Variants in TMEM221 observed in about 807,000 individuals in gnomAD.
TMEM221 encodes the protein transmembrane protein 221.
In TMEM221, 11 loss-of-function variants were observed where a neutral mutation model predicts 10.2. The observed-to-expected ratio is 1.08, with a 90% CI of 0.68 to 1.79. The LOEUF (loss-of-function observed/expected upper bound fraction) is 1.79. Among genes scored for constraint, TMEM221 ranks in the 40% most tolerant of loss-of-function variants. TMEM221 has a pLI of 0.00. For synonymous variants in TMEM221, 172 were observed against 199.8 expected (o/e 0.86, Z 1.18); for missense variants, 382 against 417.7 (o/e 0.91, Z 0.75).
At position 17,448,422 on chromosome 19, in the gene TMEM221, G is replaced by T. The variant is rs1293492543; in HGVS notation, c.41C>A (p.Thr14Asn). The T allele has an allele frequency of 4.0e-6, 6 of 1,482,186 alleles. No individual in the cohort carries two copies. The African/African-American group carries it at 7.3e-5, about 18-fold the overall frequency. 91.8% of individuals were successfully genotyped at this position (1,482,186 alleles called of 1,614,324 possible). Residue 14 changes from threonine (T) to asparagine (N), a missense_variant, in exon 1 of 3, where the codon ACC becomes AAC. Physicochemically the swap from Thr to Asn is moderately conservative, Grantham distance 65. Coordinates refer to ENST00000341130, the MANE Select transcript of TMEM221 (RefSeq NM_001190844.2). This position sits in a 1 kb window ranked among gnomAD's most constrained non-coding sequence, Gnocchi z 4.7. ...SYGGRVLAAMTLLGIAAAVLA... is the reference protein window; with the variant it reads ...SYGGRVLAAMNLLGIAAAVLA... Reference sequence around the variant, plus strand: ...CACGGCCGCCGCGATGCCCAGCAGGGTCATTGCAGCCAGCACCCGGCCGCC... The same window carrying T: ...CACGGCCGCCGCGATGCCCAGCAGGTTCATTGCAGCCAGCACCCGGCCGCC...
chr19:17,447,990 A>G lies in TMEM221; in HGVS notation c.320+153T>C, dbSNP rs150121128. 2.8e-3 allele frequency among the ~76,000 whole-genome samples: 420 copies of G among 152,258 alleles called. 3 individuals carry two copies. The highest frequency in any genetic ancestry group is 9.5e-3 in the African/African-American group (393 of 41,562). On this transcript the variant is annotated intron_variant, in intron 1 of 2. Coordinates refer to ENST00000341130, the MANE Select transcript of TMEM221 (RefSeq NM_001190844.2). ...GAGGGAAGGAGGGAGGAGGAGAGGA[A>G]AGGAGGGAGGCAGAGAGACATGGAG...
chr19:17,443,642 T>C (rs1281036844), intron 2 of TMEM221, among the ~76,000 whole-genome samples: 2 of 151,922 alleles, frequency 1.3e-5, no homozygotes, highest in African/African-American at 2.4e-5. Context: ...GGCCTAAATA[T>C]CTTTTTAAAT....
chr19:17,446,679 ATCTC>A (rs895013508), intron 1 of TMEM221, among the ~76,000 whole-genome samples: 1 of 151,774 alleles, frequency 6.6e-6, no homozygotes, highest in African/African-American at 2.4e-5. Flanking sequence ...TCTCTATCCC[ATCTC>A]TCTGTTTCCT....
At chr19:17,447,697 G>A (rs909226946) in intron 1 of TMEM221, among the ~76,000 whole-genome samples, 3 of 152,260 alleles carry the variant, frequency 2.0e-5, no homozygotes, top group Non-Finnish European at 4.4e-5. Flanking sequence ...CCACATCCCT[G>A]ACTGAGTTCA....
chr19:17,446,048 C>T (rs2074952076), intron 1 of TMEM221, among the ~76,000 whole-genome samples: 1 of 152,048 alleles, frequency 6.6e-6, no homozygotes, highest in Non-Finnish European at 1.5e-5. Flanking sequence ...CACTCATATA[C>T]AGCCTTCCAT....
intron 2 of TMEM221, among the ~76,000 whole-genome samples, chr19:17,438,379 G>A (rs2074918234): frequency 6.6e-6 from 1 of 151,344 alleles, no homozygotes; most frequent in Non-Finnish European, 1.5e-5. Flanking sequence ...TGAGCCACTG[G>A]GCCCAGCCTG....
intron 2 of TMEM221, among the ~76,000 whole-genome samples, chr19:17,440,965 T>G (rs957806150): frequency 2.6e-5 from 4 of 152,098 alleles, no homozygotes; most frequent in Non-Finnish European, 5.9e-5. Context: ...CCCAGCACTT[T>G]GGGAGGCCGA....
chr19:17,437,736 GAAAAGAA>G (rs951569631), intron 2 of TMEM221, among the ~76,000 whole-genome samples: 163 of 151,838 alleles, frequency 1.1e-3, no homozygotes, highest in Non-Finnish European at 1.0e-3. Flanking sequence ...TGAACAAAAA[GAAAAGAA>G]AAAAGAAAAA....
Position 17,436,167 on chromosome 19 carries a change from C to T in TMEM221, c.*291G>A. 1 of 309,960 alleles carries T rather than the reference C, an allele frequency of 3.2e-6. No homozygotes were observed. The highest frequency in any genetic ancestry group is 5.9e-6 in the Non-Finnish European group (1 of 169,348). The allele number at this position is 309,960 out of a possible 1,614,324, so 19.2% of individuals were successfully genotyped here. The stretch of plus-strand genomic sequence containing the variant: ...AGCCTCCCCTGCAGCAAGGTATGGC[C>T]ATTTCGCTCTGTTCTGGCCAGTGGG... On this transcript the variant is annotated 3_prime_UTR_variant, in exon 3 of 3. Transcript: ENST00000341130.
At chr19:17,441,987 G>T (rs957444161) in intron 2 of TMEM221, among the ~76,000 whole-genome samples, 1 of 152,112 alleles carries the variant, frequency 6.6e-6, no homozygotes, top group Non-Finnish European at 1.5e-5. Flanking sequence ...GGAGGTGAAT[G>T]AATTCTCAAT....
At chr19:17,446,664 T>C (rs187251483) in intron 1 of TMEM221, among the ~76,000 whole-genome samples, 103 of 152,154 alleles carry the variant, frequency 6.8e-4, no homozygotes, top group Middle Eastern at 3.4e-3. Flanking sequence ...CAAAGTCCTA[T>C]CTCCTCTCTA....
chr19:17,448,542 A>C lies in TMEM221; in HGVS notation c.-80T>G. 2 of 1,010,186 alleles carry C rather than the reference A, an allele frequency of 2.0e-6. No individual in the cohort carries two copies. 62.6% of individuals were successfully genotyped at this position (1,010,186 alleles called of 1,614,324 possible). On this transcript the variant is annotated 5_prime_UTR_variant, in exon 1 of 3. Coordinates refer to ENST00000341130, the MANE Select transcript of TMEM221 (RefSeq NM_001190844.2). The surrounding 1 kb of genome is among the most constrained non-coding windows in gnomAD (Gnocchi z 4.7). ...GGGCAGGGGAGTTGGGGGGAATCCG[A>C]GGGTCCTCAGGGGGTCCCCGAGGGG...
Position 17,436,476 on chromosome 19 carries a change from C to T in TMEM221, c.858G>A (p.Lys286=), listed in dbSNP as rs1302629954. 6.6e-7 allele frequency: 1 copy of T among 1,524,318 alleles called. No homozygotes were observed. The allele number at this position is 1,524,318 out of a possible 1,614,324, so 94.4% of individuals were successfully genotyped here. The part of the protein sequence containing the change: ...MLGHRPGSMG[K]DSTLV The stretch of plus-strand genomic sequence containing the variant: ...CCTGGGCTCACACCAGTGTGGAGTC[C>T]TTCCCCATGCTCCCTGGTCTGTGGC... Residue 286 remains lysine (K), a synonymous_variant, in exon 3 of 3, where the codon AAG becomes AAA. Transcript: ENST00000341130.
intron 2 of TMEM221, among the ~76,000 whole-genome samples, chr19:17,443,845 A>G (rs529188573): frequency 4.5e-4 from 68 of 152,248 alleles, no homozygotes; most frequent in African/African-American, 1.6e-3. Flanking sequence ...ATAAGGCGTT[A>G]GGAGTCTCTT....
Position 17,438,595 on chromosome 19 carries a change from CT to C in TMEM221, c.407-1669del, listed in dbSNP as rs567618962. Among the ~76,000 whole-genome samples the C allele has an allele frequency of 1.8e-3, 224 of 127,774 alleles. 1 individual carries two copies. The highest frequency in any genetic ancestry group is 8.4e-3 in the Middle Eastern group (2 of 238). 83.8% of individuals were successfully genotyped at this position (127,774 alleles called of 152,430 possible). On this transcript the variant is annotated intron_variant, in intron 2 of 2. Transcript: ENST00000341130. ...GAGGAACAGGACCTACCTGCTCTAT[CT>C]TTTTTTTTTTTTTTTTTTGAGACTG...
chr19:17,447,675 G>A (rs1276064574), intron 1 of TMEM221, among the ~76,000 whole-genome samples: 1 of 152,188 alleles, frequency 6.6e-6, no homozygotes, highest in Admixed American at 6.5e-5. Context: ...CCTGATAGGG[G>A]TCCCTCAATG....
chr19:17,444,564 C>T (rs1270891917), intron 2 of TMEM221, among the ~76,000 whole-genome samples: 1 of 131,174 alleles, frequency 7.6e-6, no homozygotes, highest in Non-Finnish European at 1.6e-5. Flanking sequence ...CGCTGTATCA[C>T]CCAGGCTGGA....
intron 1 of TMEM221, among the ~76,000 whole-genome samples, chr19:17,446,479 A>G (rs1426974507): frequency 6.6e-6 from 1 of 152,116 alleles, no homozygotes; most frequent in East Asian, 1.9e-4. Context: ...GGAGGCTATA[A>G]GAGCTTCCAT....
At chr19:17,445,314 G>T in intron 1 of TMEM221, 30 bp from the exon 2 acceptor site, 1 of 1,517,316 alleles carries the variant, frequency 6.6e-7, no homozygotes, top group South Asian at 1.2e-5. Flanking sequence ...GAAGATAAAG[G>T]GTTCAGGAAG....
Sources: allele counts gnomAD v4.1 joint callset (sites outside exome capture counted in the v4.1 genomes callset), GRCh38; gene constraint gnomAD v4.1.1; non-coding constraint Gnocchi (gnomAD v3.1); transcripts MANE v1.5; gene names NCBI Gene and HGNC (gene_info 2026-07-23, HGNC 2026-07-21).